Variants in ARID3B observed in about 807,000 individuals in gnomAD.
ARID3B encodes AT-rich interaction domain 3B, also known as AT-rich interactive domain-containing protein 3B.
ARID3B carries 10 observed loss-of-function variants against 51.9 expected under a neutral mutation model. That is an observed-to-expected ratio of 0.19 (90% CI 0.12 to 0.33). ARID3B has a LOEUF of 0.33. ARID3B is among the 10% of genes least tolerant of loss of function. The pLI is 1.00. For synonymous variants in ARID3B, 205 were observed against 279.5 expected, an observed-to-expected ratio of 0.73 and a Z score of 2.66; for missense variants, 483 against 716.3, an observed-to-expected ratio of 0.67 and a Z score of 3.72.
chr15:74,555,551 C>T (rs1020330515), intron 2 of ARID3B, among the ~76,000 whole-genome samples: 2 of 152,062 alleles, frequency 1.3e-5, no homozygotes, highest in African/African-American at 4.8e-5. Flanking sequence ...AAGCTGGTCT[C>T]AAAACTCCTG....
intron 4 of ARID3B, 151 bp from the exon 5 acceptor site, chr15:74,589,669 T>C: frequency 1.3e-6 from 1 of 767,486 alleles, no homozygotes; most frequent in Non-Finnish European, 2.0e-6. Flanking sequence ...ACAGCTAGTC[T>C]GAGTGTTCAG....
intron 2 of ARID3B, among the ~76,000 whole-genome samples, chr15:74,563,635 G>A (rs2061687217): frequency 6.6e-6 from 1 of 152,040 alleles, no homozygotes; most frequent in South Asian, 2.1e-4. Context: ...TGGAGCCTCT[G>A]TGGTGTGGAT....
At position 74,591,599 on chromosome 15, in the gene ARID3B, G is replaced by A. The variant is rs755413625; in HGVS notation, c.1205G>A (p.Arg402His). ...GTGACAACAGTGCCTGTGCCAAATC[G>A]TCTGGCTGTGCCCGTGACCTTGGCA... is the stretch of plus-strand genomic sequence containing the variant. ...APVTTVPVPN[R>H]LAVPVTLASQ... Residue 402 changes from arginine to histidine, a missense_variant, in exon 7 of 9, where the codon CGT (arginine) becomes CAT (histidine). Arg to His is a conservative substitution (Grantham distance 29). Transcript: ENST00000346246. This position sits in a 1 kb window ranked among gnomAD's most constrained non-coding sequence, Gnocchi z 5.8. The A allele has an allele frequency of 1.3e-5, 21 of 1,607,192 alleles. No individual in the cohort carries two copies. The highest frequency in any genetic ancestry group is 3.4e-5 in the Admixed American group (2 of 58,658).
At chr15:74,561,802 A>T (rs1195911613) in intron 2 of ARID3B, among the ~76,000 whole-genome samples, 2 of 152,198 alleles carry the variant, frequency 1.3e-5, no homozygotes, top group African/African-American at 4.8e-5. Flanking sequence ...TTTCAACCTT[A>T]TGGTGGTACA....
intron 4 of ARID3B, among the ~76,000 whole-genome samples, chr15:74,578,422 G>A (rs138750273): frequency 9.9e-5 from 15 of 152,218 alleles, no homozygotes; most frequent in African/African-American, 2.4e-4. Context: ...TAATCCGCCC[G>A]CGTCGGCCTC....
At chr15:74,546,609 G>A (rs1281580973) in intron 2 of ARID3B, among the ~76,000 whole-genome samples, 1 of 152,226 alleles carries the variant, frequency 6.6e-6, no homozygotes, top group East Asian at 1.9e-4. Flanking sequence ...CTATGACTAC[G>A]TAGCTCAGTA....
At position 74,596,326 on chromosome 15, in the gene ARID3B, C is replaced by G. The variant is rs2061825328; in HGVS notation, c.*552C>G. On this transcript the variant is annotated 3_prime_UTR_variant, in exon 9 of 9. Transcript: ENST00000346246. ...TTAGGTTCCTGGGGTACGGGTCCCT[C>G]AAACACAAGTCTTGAATCAGTCCTC... 1 of 233,778 alleles carries G rather than the reference C, an allele frequency of 4.3e-6. No individual in the cohort carries two copies. The highest frequency in any genetic ancestry group is 5.6e-5 in the Admixed American group (1 of 17,814). 14.5% of individuals were successfully genotyped at this position (233,778 alleles called of 1,614,324 possible).
chr15:74,573,458 A>G (rs1446009288), intron 4 of ARID3B: 2 of 534,536 alleles, frequency 3.7e-6, no homozygotes, highest in African/African-American at 3.8e-5. Context: ...CTTCCAATTG[A>G]CTGGTCTCTG....
At chr15:74,579,856 TGTGTGTGTGTGTGTGTGCGC>T (rs2061752897) in intron 4 of ARID3B, among the ~76,000 whole-genome samples, 1 of 144,682 alleles carries the variant, frequency 6.9e-6, no homozygotes, top group African/African-American at 2.7e-5. Flanking sequence ...TGTGTGTGTG[TGTGTGTGTGTGTGTGTGCGC>T]GCGCGCGCAC....
At position 74,595,688 on chromosome 15, in the gene ARID3B, A is replaced by G. The variant is rs760502205; in HGVS notation, c.1597A>G (p.Ser533Gly). 1 of 1,613,540 alleles carries G rather than the reference A, an allele frequency of 6.2e-7. No homozygotes were observed. Among genetic ancestry groups the G allele is most frequent in the South Asian group, 1.1e-5 (1 of 91,062 alleles). The change falls in exon 9 of 9, where the codon AGC (serine) becomes GGC (glycine). Residue 533 changes from serine (S) to glycine (G), a missense_variant. By Grantham distance (56) the Ser-to-Gly change is moderately conservative. Transcript: ENST00000346246. The part of the protein sequence containing the change: ...APQSLGSSAS[S>G]SSSSHCSPSP... ...CCAGAGCCTCGGCAGCAGCGCCAGC[A>G]GCAGCAGCAGCTCTCACTGTTCACC...
chr15:74,553,877 G>A (rs1037153650), intron 2 of ARID3B, among the ~76,000 whole-genome samples: 3 of 151,880 alleles, frequency 2.0e-5, no homozygotes, highest in Non-Finnish European at 4.4e-5. Context: ...AGGCTGGAGT[G>A]CAATGGCACA....
At chr15:74,565,526 G>A (rs1002656361) in intron 2 of ARID3B, among the ~76,000 whole-genome samples, 4 of 152,224 alleles carry the variant, frequency 2.6e-5, no homozygotes, top group Non-Finnish European at 4.4e-5. Context: ...TTGCCTTGGG[G>A]AGGAATGAGG....
intron 4 of ARID3B, chr15:74,573,486 A>G: frequency 4.3e-6 from 2 of 461,132 alleles, no homozygotes; most frequent in Middle Eastern, 6.3e-4. Context: ...TTCAAATTCA[A>G]ATATGCCTTT....
At chr15:74,586,174 G>A (rs1447817836) in intron 4 of ARID3B, among the ~76,000 whole-genome samples, 1 of 152,224 alleles carries the variant, frequency 6.6e-6, no homozygotes, top group Non-Finnish European at 1.5e-5. Context: ...ACACAGCAGG[G>A]TGCAGGGGCC....
rs1470624617 is a variant in ARID3B at position 74,543,910 on chromosome 15, A to T, written c.-27A>T. 1 of 1,588,752 alleles carries T rather than the reference A, an allele frequency of 6.3e-7. No individual in the cohort carries two copies. Among genetic ancestry groups the T allele is most frequent in the East Asian group, 2.2e-5 (1 of 44,860 alleles). On this transcript the variant is annotated 5_prime_UTR_variant, in exon 2 of 9. Transcript: ENST00000346246. ...CTGTGCCCAGGTTCAGAGTCATGCCACTCTGTGGGTGAAGCTTGAGGCAAA... is the reference window on the plus strand; with the variant it reads ...CTGTGCCCAGGTTCAGAGTCATGCCTCTCTGTGGGTGAAGCTTGAGGCAAA...
intron 4 of ARID3B, among the ~76,000 whole-genome samples, chr15:74,588,357 C>T (rs2061789283): frequency 6.6e-6 from 1 of 152,060 alleles, no homozygotes; most frequent in African/African-American, 2.4e-5. Flanking sequence ...GTTGGTGAGG[C>T]TGCCATTCAG....
chr15:74,584,126 G>A (rs1012043658), intron 4 of ARID3B, among the ~76,000 whole-genome samples: 1 of 152,178 alleles, frequency 6.6e-6, no homozygotes, highest in Non-Finnish European at 1.5e-5. Flanking sequence ...TTTGGGGTAC[G>A]ATTGATCCTG....
Position 74,575,863 on chromosome 15 carries a change from G to A in ARID3B, c.697+2659G>A, listed in dbSNP as rs139446418. 4.5e-4 allele frequency among the ~76,000 whole-genome samples: 68 copies of A among 152,296 alleles called. 1 individual carries two copies. The highest frequency in any genetic ancestry group is 1.5e-3 in the African/African-American group (62 of 41,566). On this transcript the variant is annotated intron_variant, in intron 4 of 8. Transcript: ENST00000346246. ...AGCACTGTTGACTTTGGGATGGGTA[G>A]TCCTTGTTGTGGAGACTGTCCTGTG...
At chr15:74,590,424 A>C (rs186831235) in intron 5 of ARID3B, among the ~76,000 whole-genome samples, 4 of 152,292 alleles carry the variant, frequency 2.6e-5, no homozygotes, top group African/African-American at 9.6e-5. Context: ...TCTCCACCCC[A>C]AGTGGCCCCT....
Sources: gnomAD v4.1 joint callset for allele counts (sites outside exome capture counted in the v4.1 genomes callset) on GRCh38, gnomAD v4.1.1 for gene constraint, Gnocchi (gnomAD v3.1) non-coding constraint, MANE v1.5 for transcripts, NCBI Gene and HGNC (gene_info 2026-07-23, HGNC 2026-07-21) for gene names.